The following TRPM3 variants were observed in gnomAD, a reference collection of about 807,000 sequenced individuals.
TRPM3 encodes the protein long transient receptor potential channel 3.
TRPM3 carries 77 observed loss-of-function variants against 181.2 expected under a neutral mutation model. That is an observed-to-expected ratio of 0.42 (90% CI 0.35 to 0.51). The LOEUF is 0.51. Among genes scored for constraint, TRPM3 ranks in the 20% least tolerant of loss-of-function variants. The pLI is 0.01. For missense variants in TRPM3, 1,759 were observed against 2,196.7 expected (o/e 0.80, Z 3.98); for synonymous variants, 745 against 796.4 (o/e 0.94, Z 1.09).
intron 1 of TRPM3, among the ~76,000 whole-genome samples, chr9:71,206,110 C>G (rs2079103788): frequency 6.6e-6 from 1 of 152,070 alleles, no homozygotes; most frequent in South Asian, 2.1e-4. Flanking sequence ...GGGTATATAC[C>G]AGAAATGGGA....
In TRPM3 at chr9:71,044,805, G is replaced by A. The variant is rs558596094; in HGVS notation, c.177+76373C>T. On this transcript the variant is annotated intron_variant, in intron 1 of 25. Coordinates refer to ENST00000677713, the MANE Select transcript of TRPM3 (RefSeq NM_001366145.2). ...TCCTGCCTCAGCCTCCCAAGTAGCTGGGACTACAGGCGCCAGCCACCACGC... is the reference window on the plus strand; with the variant it reads ...TCCTGCCTCAGCCTCCCAAGTAGCTAGGACTACAGGCGCCAGCCACCACGC... Among the ~76,000 whole-genome samples the A allele has an allele frequency of 1.1e-3, 168 of 152,074 alleles. 3 individuals carry two copies. The highest frequency in any genetic ancestry group is 6.6e-4 in the Non-Finnish European group (45 of 67,994).
intron 1 of TRPM3, among the ~76,000 whole-genome samples, chr9:71,256,050 CTGA>C (rs1274101944): frequency 4.6e-5 from 7 of 152,214 alleles, no homozygotes; most frequent in African/African-American, 1.7e-4. Flanking sequence ...TTCAGCCCAT[CTGA>C]AGGCCATTCT....
chr9:71,431,901 T>C (rs1160934657), intron 1 of TRPM3, among the ~76,000 whole-genome samples: 1 of 152,198 alleles, frequency 6.6e-6, no homozygotes, highest in Non-Finnish European at 1.5e-5. Flanking sequence ...GGATTTTCAT[T>C]ATGCTCTTTC....
intron 21 of TRPM3, among the ~76,000 whole-genome samples, chr9:70,597,418 T>A (rs541043069): frequency 6.6e-6 from 1 of 152,210 alleles, no homozygotes; most frequent in Non-Finnish European, 1.5e-5. Flanking sequence ...GTAGGACAGA[T>A]GTACTTAGCT....
intron 1 of TRPM3, among the ~76,000 whole-genome samples, chr9:71,236,269 T>C (rs903675119): frequency 2.0e-5 from 3 of 152,156 alleles, no homozygotes; most frequent in African/African-American, 4.8e-5. Flanking sequence ...TCATTTAAAT[T>C]CTCTGGACAT....
intron 1 of TRPM3, among the ~76,000 whole-genome samples, chr9:71,174,480 G>A (rs1001505026): frequency 1.2e-4 from 18 of 152,208 alleles, no homozygotes; most frequent in African/African-American, 3.9e-4. Context: ...GGTGGAGGTT[G>A]CAGTGAGCTA....
At chr9:71,403,394 C>A (rs2093378108) in intron 1 of TRPM3, among the ~76,000 whole-genome samples, 1 of 152,100 alleles carries the variant, frequency 6.6e-6, no homozygotes, top group African/African-American at 2.4e-5. Flanking sequence ...TGAGTTTGTC[C>A]ACTCCAGGTA....
rs1187979306 is a variant in TRPM3, at chr9:70,531,158, GT to G, written c.*4794del. 6.6e-6 allele frequency: 1 copy of G among 152,210 alleles called. No homozygotes were observed. Among genetic ancestry groups the G allele is most frequent in the Non-Finnish European group, 1.5e-5 (1 of 68,048 alleles). 9.4% of individuals were successfully genotyped at this position (152,210 alleles called of 1,614,324 possible). ...AGTAGCTCTGAAGAATCAGAAATGT[GT>G]CTTGCATATATCACAGATGCACAAC... On this transcript the variant is annotated 3_prime_UTR_variant, in exon 26 of 26. Transcript: ENST00000677713.
At chr9:70,681,663 CTA>C (rs537043019) in intron 8 of TRPM3, 85 bp from the exon 9 acceptor site, 51 of 1,112,694 alleles carry the variant, frequency 4.6e-5, no homozygotes, top group Non-Finnish European at 7.0e-5. Context: ...TGAGCAGAGA[CTA>C]TCTCTATATC....
intron 1 of TRPM3, among the ~76,000 whole-genome samples, chr9:70,929,079 G>T (rs938467159): frequency 6.6e-6 from 1 of 152,058 alleles, no homozygotes; most frequent in Non-Finnish European, 1.5e-5. Context: ...ATATTACCCT[G>T]GTTGTTCTAG....
Position 70,536,503 on chromosome 9 carries a change from A to C in TRPM3, c.4610T>G (p.Phe1537Cys), listed in dbSNP as rs763824187. 5.6e-6 allele frequency: 9 copies of C among 1,614,052 alleles called. No homozygotes were observed. The highest frequency in any genetic ancestry group is 6.8e-6 in the Non-Finnish European group (8 of 1,180,036). ...APIVKSHSFM[F>C]SPSRSYYANF... is the part of the protein sequence containing the mutation. Reference sequence around the variant, plus strand: ...GGCATAATAGCTCCTTGAGGGGGAAAACATAAAGCTATGAGATTTCACAAT... The same window carrying C: ...GGCATAATAGCTCCTTGAGGGGGAACACATAAAGCTATGAGATTTCACAAT... Residue 1537 changes from phenylalanine to cysteine, a missense_variant, in exon 26 of 26, where the codon TTT becomes TGT. Around this residue, in one of 8 missense-constraint regions of TRPM3, gnomAD observed 612 missense variants for 590.0 expected, o/e 1.04. Transcript: ENST00000677713.
At chr9:71,253,353 G>C (rs1302256876) in intron 1 of TRPM3, among the ~76,000 whole-genome samples, 1 of 152,066 alleles carries the variant, frequency 6.6e-6, no homozygotes, top group Non-Finnish European at 1.5e-5. Context: ...CTTTCCTGGG[G>C]GACATTTGGC....
intron 1 of TRPM3, among the ~76,000 whole-genome samples, chr9:70,969,814 T>C (rs2097222482): frequency 2.1e-5 from 3 of 142,820 alleles, no homozygotes; most frequent in South Asian, 2.2e-4. Context: ...TAATTATGTG[T>C]ATGTTATATA....
intron 1 of TRPM3, among the ~76,000 whole-genome samples, chr9:71,001,750 G>C (rs1207498553): frequency 6.6e-6 from 1 of 152,212 alleles, no homozygotes; most frequent in Admixed American, 6.5e-5. Context: ...ACAGCTGTTT[G>C]AATTTCTAAA....
chr9:70,848,886 A>G lies in TRPM3; in HGVS notation c.463-2295T>C, dbSNP rs532531460. Among the ~76,000 whole-genome samples the G allele has an allele frequency of 7.4e-5, 4 of 53,830 alleles. 1 individual carries two copies. The Admixed American group carries it at 7.7e-4, about 10-fold the overall frequency. The allele number at this position is 53,830 out of a possible 152,430, so 35.3% of individuals were successfully genotyped here. A position where few individuals can be genotyped will look rare whatever the true frequency, so the allele number is the denominator to read the frequency against. On this transcript the variant is annotated intron_variant, in intron 3 of 25. Transcript: ENST00000677713. Reference sequence around the variant, plus strand: ...CAGCTACTCGGGAGGCTGAGGCAGGAGAATGGCTTGAACCCGGGAGGCGGA... The same window carrying G: ...CAGCTACTCGGGAGGCTGAGGCAGGGGAATGGCTTGAACCCGGGAGGCGGA...
intron 3 of TRPM3, among the ~76,000 whole-genome samples, chr9:70,849,709 A>C (rs936320657): frequency 2.6e-5 from 4 of 152,192 alleles, no homozygotes; most frequent in African/African-American, 9.7e-5. Flanking sequence ...AAGAAGGGAA[A>C]ATAATTAATT....
At chr9:70,614,396 C>T (rs895341146) in intron 18 of TRPM3, among the ~76,000 whole-genome samples, 1 of 151,742 alleles carries the variant, frequency 6.6e-6, no homozygotes, top group Non-Finnish European at 1.5e-5. Context: ...GTGTGAGGAT[C>T]CCTTGAGCCC....
At chr9:70,949,432 A>T (rs1341257671) in intron 1 of TRPM3, among the ~76,000 whole-genome samples, 1 of 152,166 alleles carries the variant, frequency 6.6e-6, no homozygotes, top group East Asian at 1.9e-4. Flanking sequence ...GAGACCCACA[A>T]GGACTTTCAT....
At chr9:70,694,971 C>G (rs959785069) in intron 8 of TRPM3, among the ~76,000 whole-genome samples, 2 of 152,212 alleles carry the variant, frequency 1.3e-5, no homozygotes, top group Non-Finnish European at 2.9e-5. Flanking sequence ...CGTGACAACC[C>G]TCCCCCTATT....
Sources: allele counts gnomAD v4.1 joint callset (sites outside exome capture counted in the v4.1 genomes callset), GRCh38; gene constraint gnomAD v4.1.1; regional missense constraint gnomAD v4.1.1; transcripts MANE v1.5; gene names NCBI Gene and HGNC (gene_info 2026-07-23, HGNC 2026-07-21).